Variants in NPFFR2 observed in about 807,000 individuals in gnomAD.
The protein encoded by NPFFR2 is G-protein coupled receptor 74.
Under a neutral mutation model 13.1 loss-of-function variants are expected in NPFFR2, and 15 were observed. That is an observed-to-expected ratio of 1.15 (90% CI 0.77 to 1.76). NPFFR2 has a LOEUF of 1.76. Among genes scored for constraint, NPFFR2 ranks in the 40% most tolerant of loss-of-function variants. NPFFR2 has a pLI of 0.00. For missense variants in NPFFR2, 572 were observed against 503.5 expected, an observed-to-expected ratio of 1.14 and a Z score of -1.30; for synonymous variants, 190 against 175.7, an observed-to-expected ratio of 1.08 and a Z score of -0.65.
chr4:72,066,420 C>T (rs945000684), intron 1 of NPFFR2, among the ~76,000 whole-genome samples: 1 of 152,112 alleles, frequency 6.6e-6, no homozygotes, highest in African/African-American at 2.4e-5. Context: ...TATATTCAGT[C>T]CATTCCCATA....
chr4:72,101,152 C>G (rs1721235767), intron 1 of NPFFR2, among the ~76,000 whole-genome samples: 1 of 151,972 alleles, frequency 6.6e-6, no homozygotes, highest in African/African-American at 2.4e-5. Flanking sequence ...AATACGTTTG[C>G]CAAAATCTAT....
chr4:72,074,080 A>G (rs1281201449), intron 1 of NPFFR2, among the ~76,000 whole-genome samples: 1 of 152,020 alleles, frequency 6.6e-6, no homozygotes, highest in African/African-American at 2.4e-5. Context: ...AAAAATATTA[A>G]TCAATACTCT....
intron 3 of NPFFR2, among the ~76,000 whole-genome samples, chr4:72,138,362 T>C (rs1722485966): frequency 6.6e-6 from 1 of 152,174 alleles, no homozygotes; most frequent in South Asian, 2.1e-4. Context: ...GCTGCACCCA[T>C]CAACTCGTCA....
chr4:72,098,610 T>C (rs1721138396), intron 1 of NPFFR2, among the ~76,000 whole-genome samples: 1 of 152,150 alleles, frequency 6.6e-6, no homozygotes. Context: ...GAGTAATGAG[T>C]AAACCCTCAA....
chr4:72,145,129 A>T (rs1357059776), intron 3 of NPFFR2, among the ~76,000 whole-genome samples: 1 of 151,752 alleles, frequency 6.6e-6, no homozygotes, highest in Non-Finnish European at 1.5e-5. Flanking sequence ...CTTTCTCAGC[A>T]GGGACTATTC....
intron 1 of NPFFR2, among the ~76,000 whole-genome samples, chr4:72,066,892 G>A (rs946931672): frequency 6.6e-6 from 1 of 152,150 alleles, no homozygotes; most frequent in Non-Finnish European, 1.5e-5. Flanking sequence ...TCCCAGACTG[G>A]CATTCCGCAT....
At chr4:72,060,969 A>C (rs1406465192) in intron 1 of NPFFR2, among the ~76,000 whole-genome samples, 1 of 152,224 alleles carries the variant, frequency 6.6e-6, no homozygotes, top group Non-Finnish European at 1.5e-5. Context: ...ATCAGTCAAC[A>C]GTCTCTTAAA....
intron 1 of NPFFR2, among the ~76,000 whole-genome samples, chr4:72,089,786 G>T (rs1560408080): frequency 6.6e-6 from 1 of 152,088 alleles, no homozygotes. Flanking sequence ...CTACTCTGCT[G>T]ATTATTTCTT....
At chr4:72,127,130 G>A (rs1471998758) in intron 1 of NPFFR2, among the ~76,000 whole-genome samples, 16 of 150,768 alleles carry the variant, frequency 1.1e-4, no homozygotes, top group Non-Finnish European at 1.5e-4. Context: ...GTGAAACCCC[G>A]TCTCTACTAA....
At chr4:72,138,198 A>T (rs191324047) in intron 3 of NPFFR2, 59 bp downstream of exon 3, 609 of 1,039,964 alleles carry the variant, frequency 5.9e-4, no homozygotes, top group East Asian at 7.6e-4. Flanking sequence ...CTAGTATACC[A>T]GAAAAATATA....
intron 2 of NPFFR2, among the ~76,000 whole-genome samples, chr4:72,135,074 A>G (rs1722367558): frequency 1.3e-5 from 2 of 152,222 alleles, no homozygotes; most frequent in South Asian, 4.1e-4. Context: ...CAGAATTTCA[A>G]AGGAATTACT....
At chr4:72,087,026 C>G (rs1037858331) in intron 1 of NPFFR2, among the ~76,000 whole-genome samples, 1 of 151,984 alleles carries the variant, frequency 6.6e-6, no homozygotes, top group South Asian at 2.1e-4. Context: ...GAAAATAAAG[C>G]CTTTATTTTC....
intron 2 of NPFFR2, among the ~76,000 whole-genome samples, chr4:72,129,281 G>T (rs1393692146): frequency 6.6e-6 from 1 of 150,962 alleles, no homozygotes; most frequent in Middle Eastern, 3.2e-3. Flanking sequence ...TGGGACGAGA[G>T]ATTTGGAAAA....
intron 2 of NPFFR2, among the ~76,000 whole-genome samples, chr4:72,137,584 C>T (rs1011937591): frequency 2.6e-5 from 4 of 151,978 alleles, no homozygotes; most frequent in East Asian, 3.9e-4. Flanking sequence ...ACTAGAAAAC[C>T]GACGTTCTGA....
At chr4:72,129,299 A>C (rs896956118) in intron 2 of NPFFR2, among the ~76,000 whole-genome samples, 3 of 149,552 alleles carry the variant, frequency 2.0e-5, no homozygotes, top group Non-Finnish European at 4.4e-5. Context: ...AAAGAAAAAG[A>C]CACAGAGACA....
chr4:72,041,450 A>T (rs1719218137), intron 1 of NPFFR2, among the ~76,000 whole-genome samples: 1 of 152,212 alleles, frequency 6.6e-6, no homozygotes, highest in Non-Finnish European at 1.5e-5. Flanking sequence ...ATAGTGCTGC[A>T]ATGAATATAT....
chr4:72,120,421 C>T (rs879606880), intron 1 of NPFFR2, among the ~76,000 whole-genome samples: 4 of 152,212 alleles, frequency 2.6e-5, no homozygotes, highest in Non-Finnish European at 5.9e-5. Flanking sequence ...GCCAGACTGC[C>T]TCCTCAAGTG....
At chr4:72,135,525 C>G (rs1722381883) in intron 2 of NPFFR2, among the ~76,000 whole-genome samples, 1 of 151,912 alleles carries the variant, frequency 6.6e-6, no homozygotes, top group African/African-American at 2.4e-5. Context: ...TTACCGTTAT[C>G]TTAAATATTT....
chr4:72,097,808 G>A (rs1721113366), intron 1 of NPFFR2, among the ~76,000 whole-genome samples: 1 of 152,140 alleles, frequency 6.6e-6, no homozygotes, highest in Non-Finnish European at 1.5e-5. Flanking sequence ...AAATACACAA[G>A]TGGGAAGAGT....
Sources: allele counts gnomAD v4.1 joint callset (sites outside exome capture counted in the v4.1 genomes callset), GRCh38; gene constraint gnomAD v4.1.1; transcripts MANE v1.5; gene names NCBI Gene and HGNC (gene_info 2026-07-23, HGNC 2026-07-21).